The following FBXO4 variants were observed in gnomAD, a reference collection of about 807,000 sequenced individuals.
FBXO4 encodes F-box only protein 4.
FBXO4 carries 36 observed loss-of-function variants against 43.7 expected under a neutral mutation model. That is an observed-to-expected ratio of 0.82 (90% CI 0.63 to 1.09). The LOEUF is 1.09. Ranked by LOEUF, FBXO4 falls within the 50% of genes least tolerant of loss-of-function variation. FBXO4 has a pLI of 0.00. For missense variants in FBXO4, 435 were observed against 474.1 expected, an observed-to-expected ratio of 0.92 and a Z score of 0.77; for synonymous variants, 180 against 165.6, an observed-to-expected ratio of 1.09 and a Z score of -0.67.
At chr5:41,967,039 TTTCAGTGGAAAAAATAAAAAAAAA>T in the FBXO4 span, 720 of 270,754 alleles carry the variant, frequency 2.7e-3, 2 homozygotes, top group African/African-American at 0.016. Flanking sequence ...TTTTAAACCA[TTTCAGTGGAAAAAATAAAAAAAAA>T]TCACGTTTCT....
chr5:41,998,682 T>A, the FBXO4 span, among the ~76,000 whole-genome samples: 2 of 152,220 alleles, frequency 1.3e-5, no homozygotes, highest in Non-Finnish European at 2.9e-5. Context: ...TGAGAGGGGA[T>A]GTTGTCACTA....
At chr5:42,038,295 A>C in the FBXO4 span, among the ~76,000 whole-genome samples, 1,933 of 152,218 alleles carry the variant, frequency 0.013, 34 homozygotes, top group East Asian at 0.054. Context: ...AGTTATGGAT[A>C]GATTTGCAAG....
the FBXO4 span, among the ~76,000 whole-genome samples, chr5:41,961,733 G>A: frequency 3.9e-5 from 6 of 152,174 alleles, no homozygotes; most frequent in Non-Finnish European, 7.3e-5. Context: ...TATGGGCAGG[G>A]CACTTGTATG....
chr5:41,944,411 A>G (rs953874343), downstream of FBXO4, among the ~76,000 whole-genome samples: 22 of 152,226 alleles, frequency 1.4e-4, no homozygotes, highest in African/African-American at 5.1e-4. Flanking sequence ...GATAAGGCCT[A>G]AAATTTCTAG....
chr5:42,036,426 A>T, the FBXO4 span, among the ~76,000 whole-genome samples: 1 of 152,138 alleles, frequency 6.6e-6, no homozygotes, highest in African/African-American at 2.4e-5. Context: ...AACAGCACAT[A>T]GACCACATGA....
the FBXO4 span, among the ~76,000 whole-genome samples, chr5:41,984,583 G>A: frequency 6.6e-6 from 1 of 152,164 alleles, no homozygotes; most frequent in African/African-American, 2.4e-5. Context: ...GAAACAATTA[G>A]CTCCATACTT....
chr5:41,928,086 T>G (rs960732057), intron 2 of FBXO4, among the ~76,000 whole-genome samples: 4 of 152,214 alleles, frequency 2.6e-5, no homozygotes, highest in Non-Finnish European at 4.4e-5. Flanking sequence ...CTTATTCTAA[T>G]ACAGATGCCA....
chr5:42,023,072 A>G, the FBXO4 span, among the ~76,000 whole-genome samples: 5 of 152,078 alleles, frequency 3.3e-5, no homozygotes, highest in East Asian at 3.9e-4. Context: ...GATGCACTCC[A>G]TTGTCTGACT....
chr5:41,940,109 C>G (rs931810221), intron 6 of FBXO4, among the ~76,000 whole-genome samples: 1 of 151,776 alleles, frequency 6.6e-6, no homozygotes, highest in Admixed American at 6.6e-5. Context: ...CCTCGGCCTC[C>G]CAAAGTGCTG....
the FBXO4 span, among the ~76,000 whole-genome samples, chr5:42,010,010 A>C: frequency 6.6e-6 from 1 of 152,202 alleles, no homozygotes; most frequent in Non-Finnish European, 1.5e-5. Flanking sequence ...ACCTTAGGTA[A>C]GTAGAATCAT....
At chr5:41,951,050 C>CGTTGG in the FBXO4 span, among the ~76,000 whole-genome samples, 9 of 151,892 alleles carry the variant, frequency 5.9e-5, no homozygotes, top group African/African-American at 2.2e-4. Flanking sequence ...CATCACACAC[C>CGTTGG]GGGGCCTGTT....
chr5:41,951,492 C>T, the FBXO4 span: 1 of 246,322 alleles, frequency 4.1e-6, no homozygotes, highest in Non-Finnish European at 7.8e-6. Context: ...GCAGTGAACT[C>T]AGGTGCTGAA....
the FBXO4 span, among the ~76,000 whole-genome samples, chr5:42,033,574 G>C: frequency 2.0e-5 from 3 of 151,984 alleles, no homozygotes. Context: ...GCTCTGGTTT[G>C]TGTTGTTCCC....
At chr5:42,001,663 TG>T in the FBXO4 span, among the ~76,000 whole-genome samples, 15 of 152,290 alleles carry the variant, frequency 9.8e-5, no homozygotes, top group East Asian at 2.9e-3. Flanking sequence ...TGAATGGGAT[TG>T]TTACCTTACT....
At chr5:42,002,519 A>G in the FBXO4 span, among the ~76,000 whole-genome samples, 10 of 152,194 alleles carry the variant, frequency 6.6e-5, no homozygotes, top group Non-Finnish European at 1.3e-4. Context: ...TAAGATTTTT[A>G]TTGAAGGATT....
At chr5:42,001,113 T>C in the FBXO4 span, among the ~76,000 whole-genome samples, 2 of 152,242 alleles carry the variant, frequency 1.3e-5, no homozygotes, top group Non-Finnish European at 2.9e-5. Flanking sequence ...CTGTAAACAA[T>C]GTCATTGGAA....
chr5:42,005,668 G>T, the FBXO4 span, among the ~76,000 whole-genome samples: 1 of 152,010 alleles, frequency 6.6e-6, no homozygotes, highest in Non-Finnish European at 1.5e-5. Context: ...GAGGAAGAGG[G>T]TTTCCTCCAT....
chr5:41,941,223 G>GT lies in FBXO4; in HGVS notation c.1112dup (p.Leu371PhefsTer5). 1 of 1,613,744 alleles carries GT rather than the reference G, an allele frequency of 6.2e-7. No homozygotes were observed. Among genetic ancestry groups the GT allele is most frequent in the Non-Finnish European group, 8.5e-7 (1 of 1,179,764 alleles). On this transcript the variant is annotated frameshift_variant, in exon 7 of 7. Transcript: ENST00000281623. LOFTEE classifies it high-confidence loss of function. The stretch of plus-strand genomic sequence containing the variant: ...GATACAGAGGCTGAAACTCTGACTG[G>GT]TTTTTTGAATGGCATTGAGTGGATT...
the FBXO4 span, among the ~76,000 whole-genome samples, chr5:42,015,193 A>G: frequency 1.3e-5 from 2 of 152,248 alleles, no homozygotes; most frequent in Non-Finnish European, 2.9e-5. Context: ...TCACAAATTC[A>G]GCAATAAATA....
Sources: gnomAD v4.1 joint callset for allele counts (sites outside exome capture counted in the v4.1 genomes callset) on GRCh38, gnomAD v4.1.1 for gene constraint, MANE v1.5 for transcripts, NCBI Gene and HGNC (gene_info 2026-07-23, HGNC 2026-07-21) for gene names.